The following NLGN1 variants were observed in gnomAD, a reference collection of about 807,000 sequenced individuals.
NLGN1 encodes neuroligin-1.
In NLGN1, 12 loss-of-function variants were observed where a neutral mutation model predicts 65.5. The ratio of observed to expected loss-of-function variants is 0.18; its 90% CI spans 0.12 to 0.30. The LOEUF is 0.30. Among genes scored for constraint, NLGN1 ranks in the 10% least tolerant of loss-of-function variants. NLGN1 has a pLI of 1.00. For synonymous variants in NLGN1, 350 were observed against 359.5 expected (o/e 0.97, Z 0.30); for missense variants, 750 against 1,007.1 (o/e 0.74, Z 3.46).
chr3:174,219,240 C>A (rs998902102), intron 4 of NLGN1, among the ~76,000 whole-genome samples: 1 of 152,032 alleles, frequency 6.6e-6, no homozygotes, highest in Non-Finnish European at 1.5e-5. Context: ...TTCTCTGAAG[C>A]AGTAAAGTGG....
chr3:174,244,505 C>A (rs140894185), intron 4 of NLGN1, among the ~76,000 whole-genome samples: 4 of 152,060 alleles, frequency 2.6e-5, no homozygotes, highest in African/African-American at 9.7e-5. Context: ...AAATAAATGT[C>A]TTTTAATTAT....
intron 4 of NLGN1, among the ~76,000 whole-genome samples, chr3:173,855,575 T>G (rs1545991): frequency 0.83 from 126,938 of 152,050 alleles, 53,540 homozygotes; most frequent in Non-Finnish European, 0.89. Context: ...GTGCCACACT[T>G]TGGAATCTTT....
intron 4 of NLGN1, among the ~76,000 whole-genome samples, chr3:174,135,130 G>T (rs1410561644): frequency 6.6e-6 from 1 of 152,096 alleles, no homozygotes; most frequent in Non-Finnish European, 1.5e-5. Flanking sequence ...GATTTCTAAT[G>T]CATCTTAATC....
At chr3:173,796,844 G>A (rs1218081134) in intron 3 of NLGN1, among the ~76,000 whole-genome samples, 1 of 152,140 alleles carries the variant, frequency 6.6e-6, no homozygotes, top group Non-Finnish European at 1.5e-5. Context: ...GTTACCCTTT[G>A]AGGAAATGAT....
chr3:173,591,555 A>G (rs1409656864), intron 2 of NLGN1, among the ~76,000 whole-genome samples: 2 of 152,178 alleles, frequency 1.3e-5, no homozygotes, highest in Non-Finnish European at 2.9e-5. Flanking sequence ...GAATGGACAC[A>G]AAGGTTTAAC....
intron 2 of NLGN1, among the ~76,000 whole-genome samples, chr3:173,601,186 C>G (rs1331699384): frequency 6.6e-6 from 1 of 151,886 alleles, no homozygotes; most frequent in Non-Finnish European, 1.5e-5. Context: ...CTGATTTGGT[C>G]TACTGAGTAA....
intron 2 of NLGN1, among the ~76,000 whole-genome samples, chr3:173,602,029 G>C (rs185412570): frequency 2.0e-5 from 3 of 152,106 alleles, no homozygotes; most frequent in African/African-American, 4.8e-5. Context: ...CATAAGGATG[G>C]CCTTTAAATC....
At chr3:174,165,085 A>T (rs9859892) in intron 4 of NLGN1, among the ~76,000 whole-genome samples, 1 of 151,858 alleles carries the variant, frequency 6.6e-6, no homozygotes, top group Non-Finnish European at 1.5e-5. Context: ...GTGTGTGTCT[A>T]TTGTAAATGG....
chr3:174,069,206 A>G (rs960116457), intron 4 of NLGN1, among the ~76,000 whole-genome samples: 39 of 152,350 alleles, frequency 2.6e-4, no homozygotes, highest in African/African-American at 9.1e-4. Context: ...TAGATTAAGT[A>G]ATACTTTATC....
intron 4 of NLGN1, among the ~76,000 whole-genome samples, chr3:174,065,670 A>G (rs1738377878): frequency 2.6e-5 from 4 of 152,142 alleles, no homozygotes; most frequent in Admixed American, 2.6e-4. Context: ...TCTAGTGAAT[A>G]GAATATGTTA....
chr3:174,019,200 G>A (rs906607968), intron 4 of NLGN1, among the ~76,000 whole-genome samples: 14 of 152,136 alleles, frequency 9.2e-5, no homozygotes, highest in Non-Finnish European at 1.9e-4. Context: ...TATTGCTATG[G>A]TTTGAATGTG....
intron 4 of NLGN1, among the ~76,000 whole-genome samples, chr3:174,039,328 C>T (rs1372952156): frequency 6.6e-6 from 1 of 152,012 alleles, no homozygotes; most frequent in Non-Finnish European, 1.5e-5. Context: ...CATAGGTATA[C>T]ATGTGTCATG....
intron 3 of NLGN1, among the ~76,000 whole-genome samples, chr3:173,778,211 A>G (rs114949283): frequency 2.5e-3 from 376 of 152,006 alleles, no homozygotes; most frequent in African/African-American, 8.8e-3. Flanking sequence ...TACATTGACA[A>G]ATATGAATGT....
intron 4 of NLGN1, among the ~76,000 whole-genome samples, chr3:173,944,958 AC>A (rs1244009229): frequency 1.3e-5 from 2 of 152,098 alleles, no homozygotes; most frequent in Non-Finnish European, 2.9e-5. Flanking sequence ...TTTATATTTG[AC>A]AAACTTTGAT....
intron 4 of NLGN1, among the ~76,000 whole-genome samples, chr3:173,924,008 A>G (rs1395258316): frequency 6.6e-6 from 1 of 152,166 alleles, no homozygotes; most frequent in African/African-American, 2.4e-5. Flanking sequence ...AAAACTAAGC[A>G]TAAAATCTAT....
chr3:173,443,220 T>A (rs999847415), intron 2 of NLGN1, among the ~76,000 whole-genome samples: 21 of 151,230 alleles, frequency 1.4e-4, no homozygotes, highest in African/African-American at 5.1e-4. Flanking sequence ...GCCTGGGTGA[T>A]GGAGCAAGAA....
intron 2 of NLGN1, among the ~76,000 whole-genome samples, chr3:173,514,385 C>T (rs1733490016): frequency 6.6e-6 from 1 of 152,108 alleles, no homozygotes; most frequent in South Asian, 2.1e-4. Flanking sequence ...TCAACTCCCT[C>T]CCATTTTTCC....
At chr3:173,483,789 A>G (rs948287480) in intron 2 of NLGN1, among the ~76,000 whole-genome samples, 41 of 152,272 alleles carry the variant, frequency 2.7e-4, no homozygotes, top group African/African-American at 7.5e-4. Flanking sequence ...AAGAGAAGCC[A>G]TTTGGCCCAC....
intron 4 of NLGN1, among the ~76,000 whole-genome samples, chr3:174,199,126 C>T (rs979965238): frequency 9.2e-5 from 14 of 152,202 alleles, no homozygotes; most frequent in African/African-American, 9.6e-5. Context: ...GAATTATAGG[C>T]GTGAGCCACC....
Sources: allele counts gnomAD v4.1 joint callset (sites outside exome capture counted in the v4.1 genomes callset), GRCh38; gene constraint gnomAD v4.1.1; transcripts MANE v1.5; gene names NCBI Gene and HGNC (gene_info 2026-07-23, HGNC 2026-07-21).